Variants in WWOX observed in about 807,000 individuals in gnomAD.
The protein encoded by WWOX is WW domain-containing oxidoreductase.
A neutral mutation model predicts 46.2 loss-of-function variants in WWOX; 69 were observed. The ratio of observed to expected loss-of-function variants is 1.49; its 90% CI spans 1.23 to 1.82. The LOEUF (loss-of-function observed/expected upper bound fraction) is 1.82, where lower values mean the gene tolerates loss of function less well. Ranked by LOEUF, WWOX falls within the 40% of genes most tolerant of loss-of-function variation. The probability of loss-of-function intolerance (pLI) is 0.00; values close to 1 mark genes in which losing one functional copy is unlikely to be tolerated. For missense variants in WWOX, 919 were observed against 542.6 expected (o/e 1.69, Z -6.89); for synonymous variants, 359 against 202.6 (o/e 1.77, Z -6.56).
intron 5 of WWOX, among the ~76,000 whole-genome samples, chr16:78,181,870 G>C (rs1444628448): frequency 6.6e-6 from 1 of 152,100 alleles, no homozygotes; most frequent in Non-Finnish European, 1.5e-5. Flanking sequence ...TGGATAAACT[G>C]GAGGTATGGA....
chr16:78,320,305 T>C (rs1194059424), intron 5 of WWOX, among the ~76,000 whole-genome samples: 1 of 152,166 alleles, frequency 6.6e-6, no homozygotes, highest in Non-Finnish European at 1.5e-5. Flanking sequence ...CAACAGACTT[T>C]TGTTTTTTAT....
intron 5 of WWOX, among the ~76,000 whole-genome samples, chr16:78,380,944 T>G (rs1193036557): frequency 6.6e-6 from 1 of 152,222 alleles, no homozygotes; most frequent in Non-Finnish European, 1.5e-5. Flanking sequence ...GGCTTGTACC[T>G]TATATTCACT....
chr16:78,419,574 C>G (rs1231860821), intron 6 of WWOX, among the ~76,000 whole-genome samples: 2 of 102,586 alleles, frequency 1.9e-5, no homozygotes, highest in Non-Finnish European at 3.7e-5. Flanking sequence ...TAGCCCCATG[C>G]AAAAGAATGA....
chr16:79,031,874 A>ATATACAGATATCTG (rs199999654), intron 8 of WWOX, among the ~76,000 whole-genome samples: 1 of 137,880 alleles, frequency 7.3e-6, no homozygotes, highest in Non-Finnish European at 1.6e-5. Context: ...ATAGATATCT[A>ATATACAGATATCTG]TATACAGATA....
intron 8 of WWOX, among the ~76,000 whole-genome samples, chr16:78,449,682 C>T (rs889123536): frequency 1.3e-5 from 2 of 152,148 alleles, no homozygotes; most frequent in Admixed American, 6.5e-5. Context: ...TGCATTTCTG[C>T]TTTCTGATGG....
chr16:78,467,409 T>A (rs2084106743), intron 8 of WWOX, among the ~76,000 whole-genome samples: 1 of 152,180 alleles, frequency 6.6e-6, no homozygotes, highest in African/African-American at 2.4e-5. Context: ...TGAGGAATAT[T>A]TGAATACAAG....
At chr16:78,773,225 A>C (rs372370311) in intron 8 of WWOX, among the ~76,000 whole-genome samples, 1 of 152,254 alleles carries the variant, frequency 6.6e-6, no homozygotes, top group Admixed American at 6.5e-5. Context: ...TTGTTCTATT[A>C]ATAAGTAGAG....
chr16:78,910,528 A>G (rs2045082855), intron 8 of WWOX, among the ~76,000 whole-genome samples: 1 of 151,132 alleles, frequency 6.6e-6, no homozygotes, highest in Non-Finnish European at 1.5e-5. Context: ...TTTTAAATTA[A>G]GGATGCTGTA....
intron 8 of WWOX, chr16:79,078,371 A>C (rs1414537766): frequency 6.6e-6 from 1 of 152,206 alleles, no homozygotes; most frequent in African/African-American, 2.4e-5. Context: ...CTGGCCATGC[A>C]TAGCTTTGGA....
chr16:78,522,346 C>G (rs138717049), intron 8 of WWOX, among the ~76,000 whole-genome samples: 1 of 152,094 alleles, frequency 6.6e-6, no homozygotes, highest in East Asian at 1.9e-4. Flanking sequence ...CAACAAAAAC[C>G]TAATTCTTTG....
intron 8 of WWOX, among the ~76,000 whole-genome samples, chr16:78,725,269 T>A (rs970814546): frequency 1.3e-5 from 2 of 152,030 alleles, no homozygotes; most frequent in African/African-American, 4.8e-5. Flanking sequence ...GTGAGTCCAT[T>A]CAACTTCTTT....
intron 8 of WWOX, among the ~76,000 whole-genome samples, chr16:79,052,934 C>T (rs1469258930): frequency 8.5e-6 from 1 of 117,486 alleles, no homozygotes; most frequent in African/African-American, 3.4e-5. Flanking sequence ...CTCACTGATT[C>T]ATGGGGACCC....
intron 8 of WWOX, among the ~76,000 whole-genome samples, chr16:79,208,340 A>G (rs1028584985): frequency 2.6e-5 from 4 of 151,768 alleles, no homozygotes; most frequent in African/African-American, 9.7e-5. Flanking sequence ...ATGATTAGCA[A>G]CCATATACAA....
intron 7 of WWOX, among the ~76,000 whole-genome samples, chr16:78,428,111 G>T (rs906657384): frequency 6.6e-6 from 1 of 152,168 alleles, no homozygotes; most frequent in African/African-American, 2.4e-5. Context: ...AGTATATATA[G>T]AAATACAAGA....
chr16:79,206,559 C>G (rs2150846269), intron 8 of WWOX: 1 of 152,314 alleles, frequency 6.6e-6, no homozygotes. Context: ...CGTAACCTCT[C>G]AATAAATGCT....
chr16:78,143,752 GTT>G (rs200125720), intron 4 of WWOX, among the ~76,000 whole-genome samples: 204 of 120,204 alleles, frequency 1.7e-3, no homozygotes, highest in African/African-American at 5.6e-3. Context: ...GAATTGGTAT[GTT>G]TTTTTTTTTT....
intron 5 of WWOX, among the ~76,000 whole-genome samples, chr16:78,267,684 G>A (rs532984259): frequency 6.6e-6 from 1 of 152,208 alleles, no homozygotes; most frequent in Non-Finnish European, 1.5e-5. Flanking sequence ...TGCCTGTGAG[G>A]TCCTCATCCT....
chr16:78,990,408 G>A (rs988834428), intron 8 of WWOX, among the ~76,000 whole-genome samples: 1 of 152,138 alleles, frequency 6.6e-6, no homozygotes, highest in African/African-American at 2.4e-5. Context: ...ACCTAGTTCT[G>A]GGCTAGGGAA....
intron 8 of WWOX, among the ~76,000 whole-genome samples, chr16:78,760,525 A>T (rs1245998997): frequency 6.6e-6 from 1 of 152,174 alleles, no homozygotes; most frequent in African/African-American, 2.4e-5. Context: ...CACACTCCTC[A>T]AACCTAAGCT....
Sources: allele counts gnomAD v4.1 joint callset (sites outside exome capture counted in the v4.1 genomes callset), GRCh38; gene constraint gnomAD v4.1.1; transcripts MANE v1.5; gene names NCBI Gene and HGNC (gene_info 2026-07-23, HGNC 2026-07-21).